Variants in L2HGDH observed in about 807,000 individuals in gnomAD.
L2HGDH encodes L-2-hydroxyglutarate dehydrogenase.
Under a neutral mutation model 51.5 loss-of-function variants are expected in L2HGDH, and 34 were observed. The observed-to-expected ratio is 0.66, with a 90% confidence interval of 0.50 to 0.88. L2HGDH has a LOEUF of 0.88. L2HGDH is among the 40% of genes least tolerant of loss of function. The pLI is 0.00. For missense variants in L2HGDH, 558 were observed against 571.9 expected, an observed-to-expected ratio of 0.98 and a Z score of 0.25; for synonymous variants, 198 against 197.9, an observed-to-expected ratio of 1.00 and a Z score of -0.01.
Position 50,244,726 on chromosome 14 carries a change from A to C in L2HGDH, c.*2332T>G, listed in dbSNP as rs1204627567. On this transcript the variant is annotated 3_prime_UTR_variant, in exon 10 of 10. Coordinates refer to ENST00000267436, the MANE Select transcript of L2HGDH (RefSeq NM_024884.3). ...TCAAATTAATGGATGAGGTAGCTCA[A>C]TCAATGTAATCATCAATGCTTGAAG... 1.0e-5 allele frequency: 10 copies of C among 985,338 alleles called. No homozygotes were observed. The highest frequency in any genetic ancestry group is 8.7e-5 in the African/African-American group (5 of 57,250). 61.0% of individuals were successfully genotyped at this position (985,338 alleles called of 1,614,324 possible).
At chr14:50,309,520 C>T (rs1176117095) in intron 1 of L2HGDH, among the ~76,000 whole-genome samples, 1 of 151,520 alleles carries the variant, frequency 6.6e-6, no homozygotes, top group Non-Finnish European at 1.5e-5. Flanking sequence ...CAAGATCATG[C>T]CACTGTACTC....
chr14:50,251,212 G>A (rs1414764499), intron 9 of L2HGDH, among the ~76,000 whole-genome samples: 7 of 151,434 alleles, frequency 4.6e-5, no homozygotes, highest in Admixed American at 4.0e-4. Flanking sequence ...TTCTAGAAAT[G>A]AAAAATGCAA....
At chr14:50,293,955 G>C (rs747721123) in intron 4 of L2HGDH, among the ~76,000 whole-genome samples, 160 bp downstream of exon 4, 2 of 152,188 alleles carry the variant, frequency 1.3e-5, no homozygotes, top group Non-Finnish European at 2.9e-5. Context: ...CAGGTGTCCA[G>C]AGTTTGTGAC....
Position 50,247,188 on chromosome 14 carries a change from A to G in L2HGDH, c.1262T>C (p.Phe421Ser). ...TCCAATATCCCCAACTCCTGCATCAAATACAAAATCTTCTACCAGATTTCC... is the reference window on the plus strand; with the variant it reads ...TCCAATATCCCCAACTCCTGCATCAGATACAAAATCTTCTACCAGATTTCC... ...RDGNLVEDFV[F>S]DAGVGDIGNR... is the part of the protein sequence containing the mutation. The change falls in exon 10 of 10, where the codon TTT (phenylalanine) becomes TCT (serine). Residue 421 changes from phenylalanine to serine, a missense_variant. This residue lies in a region of L2HGDH where 321 missense variants were observed against 311.8 expected (regional missense o/e 1.03). Coordinates refer to ENST00000267436, the MANE Select transcript of L2HGDH (RefSeq NM_024884.3). 6.2e-7 allele frequency: 1 copy of G among 1,614,172 alleles called. No individual in the cohort carries two copies. The highest frequency in any genetic ancestry group is 8.5e-7 in the Non-Finnish European group (1 of 1,180,038).
At chr14:50,279,749 C>T (rs571213906) in intron 5 of L2HGDH, among the ~76,000 whole-genome samples, 11 of 151,948 alleles carry the variant, frequency 7.2e-5, no homozygotes, top group African/African-American at 2.7e-4. Context: ...TTGCTTCGAT[C>T]CCTTTCATGG....
At chr14:50,249,882 CTTTTTTTTTTTTTTT>C (rs747924080) in intron 9 of L2HGDH, among the ~76,000 whole-genome samples, 6 of 68,956 alleles carry the variant, frequency 8.7e-5, no homozygotes, top group South Asian at 1.5e-3. Context: ...GCTTACACTC[CTTTTTTTTTTTTTTT>C]TTTTTTTTTT....
At chr14:50,255,786 T>C (rs1888633101) in intron 9 of L2HGDH, among the ~76,000 whole-genome samples, 1 of 151,944 alleles carries the variant, frequency 6.6e-6, no homozygotes, top group African/African-American at 2.4e-5. Context: ...AATCCCACTT[T>C]GGGAGGCTCG....
At chr14:50,262,500 G>C (rs1346738222) in intron 9 of L2HGDH, among the ~76,000 whole-genome samples, 1 of 150,310 alleles carries the variant, frequency 6.7e-6, no homozygotes, top group Non-Finnish European at 1.5e-5. Context: ...AAGGAAGAGA[G>C]ACTAACACAA....
chr14:50,283,821 T>C (rs1438689654), intron 5 of L2HGDH, 50 bp downstream of exon 5: 4 of 1,550,156 alleles, frequency 2.6e-6, no homozygotes, highest in East Asian at 2.2e-5. Context: ...GCAAAACCCA[T>C]GGATATGGAG....
At chr14:50,261,333 G>C (rs909348447) in intron 9 of L2HGDH, among the ~76,000 whole-genome samples, 11 of 152,216 alleles carry the variant, frequency 7.2e-5, no homozygotes, top group Admixed American at 4.6e-4. Context: ...GTTTACTCTA[G>C]AATTCCCCAC....
chr14:50,253,735 T>C (rs1173131203), intron 9 of L2HGDH, among the ~76,000 whole-genome samples: 1 of 152,144 alleles, frequency 6.6e-6, no homozygotes, highest in African/African-American at 2.4e-5. Flanking sequence ...TGAATTTCCA[T>C]GTTTACTGCA....
At chr14:50,303,189 C>T (rs1258093410) in intron 1 of L2HGDH, among the ~76,000 whole-genome samples, 172 bp from the exon 2 acceptor site, 2 of 152,036 alleles carry the variant, frequency 1.3e-5, no homozygotes, top group Non-Finnish European at 2.9e-5. Context: ...TTTGAGTGGC[C>T]GAGGGGGGCG....
chr14:50,292,924 G>T (rs1334566465), intron 4 of L2HGDH, among the ~76,000 whole-genome samples: 3 of 151,854 alleles, frequency 2.0e-5, no homozygotes, highest in Non-Finnish European at 4.4e-5. Context: ...AGCTACTATA[G>T]CTCATGCTTG....
At chr14:50,267,938 C>T in intron 7 of L2HGDH, 28 bp from the exon 8 acceptor site, 1 of 1,603,934 alleles carries the variant, frequency 6.2e-7, no homozygotes, top group Non-Finnish European at 8.5e-7. Flanking sequence ...TAAATAACAG[C>T]CTCATTTCAC....
At chr14:50,307,096 G>A (rs1373313557) in intron 1 of L2HGDH, among the ~76,000 whole-genome samples, 2 of 151,970 alleles carry the variant, frequency 1.3e-5, no homozygotes, top group African/African-American at 2.4e-5. Flanking sequence ...GAATACAGGC[G>A]TGAGCCACTG....
intron 5 of L2HGDH, among the ~76,000 whole-genome samples, chr14:50,279,109 C>T (rs1890122877): frequency 6.6e-6 from 1 of 152,186 alleles, no homozygotes; most frequent in African/African-American, 2.4e-5. Context: ...CTACTTGTAT[C>T]ACAAATTTGG....
At chr14:50,277,318 G>A (rs980509715) in intron 6 of L2HGDH, among the ~76,000 whole-genome samples, 6 of 151,716 alleles carry the variant, frequency 4.0e-5, no homozygotes, top group South Asian at 2.1e-4. Flanking sequence ...GCTAAATATC[G>A]TTATAAGGTT....
chr14:50,300,514 C>G (rs574905061), intron 3 of L2HGDH, among the ~76,000 whole-genome samples: 2 of 152,026 alleles, frequency 1.3e-5, no homozygotes, highest in African/African-American at 4.8e-5. Flanking sequence ...AGGCTGGTCT[C>G]GAACTCCTGA....
intron 9 of L2HGDH, among the ~76,000 whole-genome samples, chr14:50,253,723 T>C (rs1457719179): frequency 6.6e-6 from 1 of 152,132 alleles, no homozygotes; most frequent in Non-Finnish European, 1.5e-5. Context: ...CAAAGAGATA[T>C]CTGAATTTCC....
Sources: gnomAD v4.1 joint callset for allele counts (sites outside exome capture counted in the v4.1 genomes callset) on GRCh38, gnomAD v4.1.1 for gene constraint, gnomAD v4.1.1 regional missense constraint, MANE v1.5 for transcripts, NCBI Gene and HGNC (gene_info 2026-07-23, HGNC 2026-07-21) for gene names.